The following GPC5 variants were observed in gnomAD, a reference collection of about 807,000 sequenced individuals.
GPC5 encodes glypican-5.
A neutral mutation model predicts 53.9 loss-of-function variants in GPC5; 47 were observed. The ratio of observed to expected loss-of-function variants is 0.87; its 90% CI spans 0.69 to 1.11. GPC5 has a LOEUF of 1.11. Ranked by LOEUF, GPC5 falls within the 50% of genes most tolerant of loss-of-function variation. GPC5 has a pLI of 0.00. For synonymous variants in GPC5, 286 were observed against 263.3 expected (o/e 1.09, Z -0.84); for missense variants, 748 against 713.1 (o/e 1.05, Z -0.56).
intron 7 of GPC5, among the ~76,000 whole-genome samples, chr13:92,545,772 T>G (rs1447033930): frequency 3.3e-5 from 5 of 152,132 alleles, no homozygotes; most frequent in East Asian, 3.9e-4. Flanking sequence ...GGGTTGTTTG[T>G]TTTTTTCTTG....
chr13:92,181,570 A>G (rs1432596534), intron 7 of GPC5, among the ~76,000 whole-genome samples: 1 of 152,216 alleles, frequency 6.6e-6, no homozygotes, highest in Non-Finnish European at 1.5e-5. Flanking sequence ...AAATGTGCAC[A>G]TGTGGATTGT....
intron 7 of GPC5, among the ~76,000 whole-genome samples, chr13:92,313,068 G>A (rs536831569): frequency 1.6e-4 from 24 of 152,160 alleles, no homozygotes; most frequent in African/African-American, 5.5e-4. Context: ...CCACCTACTT[G>A]TTCATATAAA....
chr13:92,759,246 A>C (rs1875058548), intron 7 of GPC5, among the ~76,000 whole-genome samples: 1 of 151,574 alleles, frequency 6.6e-6, no homozygotes, highest in African/African-American at 2.4e-5. Flanking sequence ...GGTTTCATAC[A>C]AATTATTGGA....
intron 7 of GPC5, among the ~76,000 whole-genome samples, chr13:92,374,553 G>A (rs986269246): frequency 1.3e-5 from 2 of 151,868 alleles, no homozygotes; most frequent in African/African-American, 4.8e-5. Flanking sequence ...GTCCTTTTTA[G>A]GGACATGGAT....
chr13:92,432,089 C>G (rs1489473537), intron 7 of GPC5, among the ~76,000 whole-genome samples: 1 of 152,104 alleles, frequency 6.6e-6, no homozygotes, highest in African/African-American at 2.4e-5. Context: ...GGCTGAGGCT[C>G]TCAAGATGGA....
intron 4 of GPC5, among the ~76,000 whole-genome samples, chr13:91,737,099 G>A (rs755517035): frequency 8.6e-5 from 13 of 151,234 alleles, no homozygotes; most frequent in Admixed American, 4.6e-4. Context: ...GCGAGACTCC[G>A]TCTCAGATTA....
At chr13:91,688,709 A>G (rs2035675592) in intron 2 of GPC5, among the ~76,000 whole-genome samples, 2 of 152,180 alleles carry the variant, frequency 1.3e-5, no homozygotes, top group African/African-American at 2.4e-5. Context: ...ATACTTACAC[A>G]GATCTAGACC....
At chr13:92,436,762 A>G (rs1877322542) in intron 7 of GPC5, among the ~76,000 whole-genome samples, 1 of 152,274 alleles carries the variant, frequency 6.6e-6, no homozygotes, top group African/African-American at 2.4e-5. Context: ...ATTTTGCACT[A>G]AAATCAGTCA....
At chr13:92,402,754 G>C (rs929390009) in intron 7 of GPC5, among the ~76,000 whole-genome samples, 14 of 152,180 alleles carry the variant, frequency 9.2e-5, no homozygotes, top group Non-Finnish European at 1.9e-4. Flanking sequence ...TCAGTTAGAA[G>C]CTCTTGACAA....
At chr13:91,650,342 A>T (rs2034667993) in intron 2 of GPC5, among the ~76,000 whole-genome samples, 1 of 152,170 alleles carries the variant, frequency 6.6e-6, no homozygotes, top group Non-Finnish European at 1.5e-5. Context: ...TTGTCATTTC[A>T]AGAAGGTATA....
At chr13:91,904,277 T>TG (rs2039531130) in intron 5 of GPC5, among the ~76,000 whole-genome samples, 1 of 151,478 alleles carries the variant, frequency 6.6e-6, no homozygotes, top group East Asian at 1.9e-4. Context: ...TGGGCTCCCA[T>TG]GATCCCCCTG....
At chr13:91,489,465 A>G (rs1444387216) in intron 2 of GPC5, among the ~76,000 whole-genome samples, 1 of 152,232 alleles carries the variant, frequency 6.6e-6, no homozygotes. Context: ...TAAAAGAAAG[A>G]TAGAAATAAG....
chr13:92,852,121 A>G (rs1459871960), intron 7 of GPC5, among the ~76,000 whole-genome samples: 2 of 152,190 alleles, frequency 1.3e-5, no homozygotes, highest in Non-Finnish European at 2.9e-5. Context: ...AGAGTGAAAG[A>G]AAGAGGAATT....
At chr13:92,028,867 C>T (rs1341734298) in intron 6 of GPC5, among the ~76,000 whole-genome samples, 2 of 152,124 alleles carry the variant, frequency 1.3e-5, no homozygotes, top group Non-Finnish European at 2.9e-5. Context: ...ATGTGGGAAG[C>T]TATCAATGGA....
chr13:91,435,032 G>A (rs1019448868), intron 1 of GPC5, among the ~76,000 whole-genome samples: 25 of 152,176 alleles, frequency 1.6e-4, no homozygotes, highest in African/African-American at 5.8e-4. Flanking sequence ...TTTGCACATT[G>A]ATTTTGTATG....
At chr13:92,839,652 A>T (rs981164791) in intron 7 of GPC5, among the ~76,000 whole-genome samples, 5 of 152,104 alleles carry the variant, frequency 3.3e-5, no homozygotes, top group African/African-American at 1.2e-4. Flanking sequence ...TTATGGCTGC[A>T]TAGTACTCCA....
At chr13:92,009,285 T>TGTGTG (rs1594721385) in intron 6 of GPC5, among the ~76,000 whole-genome samples, 5 of 150,918 alleles carry the variant, frequency 3.3e-5, no homozygotes, top group Non-Finnish European at 5.9e-5. Flanking sequence ...TGTGTGTGTG[T>TGTGTG]TTCAATATGG....
intron 2 of GPC5, among the ~76,000 whole-genome samples, chr13:91,592,066 G>A (rs2032819617): frequency 6.6e-6 from 1 of 152,144 alleles, no homozygotes; most frequent in African/African-American, 2.4e-5. Context: ...GGGAGGGTTG[G>A]TGTTTCTTTA....
At chr13:91,730,308 G>A (rs2036668783) in intron 4 of GPC5, among the ~76,000 whole-genome samples, 1 of 152,092 alleles carries the variant, frequency 6.6e-6, no homozygotes, top group Non-Finnish European at 1.5e-5. Flanking sequence ...TTCCCCATGA[G>A]GTCATAAATT....
Sources: gnomAD v4.1 joint callset for allele counts (sites outside exome capture counted in the v4.1 genomes callset) on GRCh38, gnomAD v4.1.1 for gene constraint, MANE v1.5 for transcripts, NCBI Gene and HGNC (gene_info 2026-07-23, HGNC 2026-07-21) for gene names.